ELF1: variants seen among roughly 807,000 people sequenced by gnomAD.
ELF1 encodes ETS-related transcription factor Elf-1.
ELF1 carries 24 observed loss-of-function variants against 59.9 expected under a neutral mutation model. The observed-to-expected ratio is 0.40, with a 90% CI of 0.29 to 0.56. The LOEUF is 0.56. ELF1 is among the 20% of genes least tolerant of loss of function. ELF1 has a pLI of 0.44. For missense variants in ELF1, 627 were observed against 742.2 expected, an observed-to-expected ratio of 0.84 and a Z score of 1.80; for synonymous variants, 248 against 266.2, an observed-to-expected ratio of 0.93 and a Z score of 0.67.
upstream of ELF1, among the ~76,000 whole-genome samples, chr13:41,023,644 T>C (rs906494189): frequency 6.6e-6 from 1 of 152,224 alleles, no homozygotes; most frequent in African/African-American, 2.4e-5. Flanking sequence ...ATCACTAGCT[T>C]TGTTAAACCA....
At chr13:41,055,093 C>T (rs945213712) in intron 1 of ELF1, among the ~76,000 whole-genome samples, 13 of 152,310 alleles carry the variant, frequency 8.5e-5, no homozygotes, top group African/African-American at 3.1e-4. Flanking sequence ...CAAGTCAAAG[C>T]CCCTGCTCCA....
intron 1 of ELF1, among the ~76,000 whole-genome samples, chr13:41,032,135 G>C (rs1876190495): frequency 6.6e-6 from 1 of 151,554 alleles, no homozygotes; most frequent in African/African-American, 2.4e-5. Flanking sequence ...AAAATTTAAA[G>C]CAATATCATA....
At chr13:41,060,938 CGCCGCCGCTGCT>C (rs1418786003) in exon 1 of ELF1, 3 of 344,162 alleles carry the variant, frequency 8.7e-6, no homozygotes, top group South Asian at 2.2e-5. Context: ...CCGCCGCCGC[CGCCGCCGCTGCT>C]GCTGCCCACA....
At chr13:41,022,300 A>G (rs1395484676), upstream of ELF1, among the ~76,000 whole-genome samples, 1 of 152,236 alleles carries the variant, frequency 6.6e-6, no homozygotes. Context: ...GCTGAACAAA[A>G]TAAGACTGAC....
At chr13:41,021,857 T>A (rs556675977), upstream of ELF1, among the ~76,000 whole-genome samples, 1 of 152,144 alleles carries the variant, frequency 6.6e-6, no homozygotes, top group African/African-American at 2.4e-5. Context: ...AATAGGGAAA[T>A]GCAAATTAAT....
rs955822372 is a variant in ELF1 at position 40,932,396 on chromosome 13, T to G, written c.*1029A>C. 1 of 147,728 alleles carries G rather than the reference T, an allele frequency of 6.8e-6. No individual in the cohort carries two copies. The highest frequency in any genetic ancestry group is 2.5e-5 in the African/African-American group (1 of 40,030). The allele number at this position is 147,728 out of a possible 1,614,324, so 9.2% of individuals were successfully genotyped here. A position where few individuals can be genotyped will look rare whatever the true frequency, so the allele number is the denominator to read the frequency against. ...CAATTATGCTTTTATAACTGACTAC[T>G]CAGCCAGATTAGCCCAAGGCTCAAG... On this transcript the variant is annotated 3_prime_UTR_variant, in exon 9 of 9. Transcript: ENST00000239882.
chr13:41,032,849 TAA>T lies in ELF1; in HGVS notation c.-229+27987_-229+27988del, dbSNP rs56310760. 4.3e-3 allele frequency among the ~76,000 whole-genome samples: 589 copies of T among 135,404 alleles called. 8 individuals are homozygous for T. In the East Asian group the frequency reaches 0.054, roughly 12 times the overall value. 88.8% of individuals were successfully genotyped at this position (135,404 alleles called of 152,430 possible). On this transcript the variant is annotated intron_variant, in intron 1 of 1. Transcript: ENST00000405737. ...GGGTGACAGAGCAAGACCTTGTTTC[TAA>T]AAAAAAAAAAAAAACAAACCAAAGA... is the stretch of plus-strand genomic sequence containing the variant.
At position 41,016,252 on chromosome 13, in the gene ELF1, C is replaced by T. The variant is rs9566660; in HGVS notation, c.-229+2976G>A. Among the ~76,000 whole-genome samples, 1,154 of 152,228 alleles carry T rather than the reference C, an allele frequency of 7.6e-3. 16 individuals are homozygous for T. Among genetic ancestry groups the T allele is most frequent in the East Asian group, 0.049 (252 of 5,180 alleles). On this transcript the variant is annotated intron_variant, in intron 1 of 8. Transcript: ENST00000239882. ...AGGACAATGATGGCCACACTGTGGA[C>T]GATTTCGCACCGAATTGAGTTAGGG... is the stretch of plus-strand genomic sequence containing the variant.
At chr13:40,977,278 C>G (rs754367007) in intron 2 of ELF1, among the ~76,000 whole-genome samples, 44 of 151,996 alleles carry the variant, frequency 2.9e-4, no homozygotes, top group Admixed American at 2.8e-3. Flanking sequence ...ACCAAAGCAC[C>G]ATTGCATAAA....
chr13:40,976,309 G>A (rs1193443382), intron 2 of ELF1, among the ~76,000 whole-genome samples: 1 of 152,172 alleles, frequency 6.6e-6, no homozygotes, highest in Non-Finnish European at 1.5e-5. Flanking sequence ...ACACTCTACT[G>A]CTCTAGAACA....
At chr13:41,032,510 G>T (rs9532710) in intron 1 of ELF1, among the ~76,000 whole-genome samples, 1 of 151,682 alleles carries the variant, frequency 6.6e-6, no homozygotes, top group Admixed American at 6.6e-5. Context: ...GAGCCCCTGC[G>T]CCCAGCGATA....
chr13:40,956,115 T>C (rs1469931916), intron 3 of ELF1, among the ~76,000 whole-genome samples: 3 of 148,002 alleles, frequency 2.0e-5, no homozygotes, highest in African/African-American at 4.9e-5. Context: ...ACAATGGCGG[T>C]TTTGTGGAAT....
intron 3 of ELF1, among the ~76,000 whole-genome samples, chr13:40,955,427 G>C (rs1273314373): frequency 7.2e-6 from 1 of 138,910 alleles, no homozygotes; most frequent in African/African-American, 2.6e-5. Context: ...AGGTGGGGGG[G>C]TCAGCCCCCC....
At chr13:40,946,218 G>A (rs1870501081) in intron 5 of ELF1, among the ~76,000 whole-genome samples, 1 of 152,060 alleles carries the variant, frequency 6.6e-6, no homozygotes, top group South Asian at 2.1e-4. Flanking sequence ...TAGGATATTA[G>A]CCTTTTATTT....
intron 2 of ELF1, among the ~76,000 whole-genome samples, chr13:40,965,455 C>T (rs761464775): frequency 2.0e-5 from 3 of 152,002 alleles, no homozygotes; most frequent in Non-Finnish European, 4.4e-5. Flanking sequence ...AACCTCATCT[C>T]TACTAAAAAA....
chr13:41,019,011 C>A (rs1035163217), intron 1 of ELF1, among the ~76,000 whole-genome samples: 1 of 152,252 alleles, frequency 6.6e-6, no homozygotes, highest in East Asian at 1.9e-4. Flanking sequence ...CAAAGACATA[C>A]AAAATGCTTT....
chr13:40,955,907 T>C, intron 3 of ELF1, among the ~76,000 whole-genome samples: 1 of 103,730 alleles, frequency 9.6e-6, no homozygotes, highest in South Asian at 3.5e-4. Flanking sequence ...GGCGGGGAGG[T>C]CAGCCCCCCG....
chr13:41,008,485 G>C (rs1874872187), intron 1 of ELF1, among the ~76,000 whole-genome samples: 1 of 152,120 alleles, frequency 6.6e-6, no homozygotes, highest in African/African-American at 2.4e-5. Flanking sequence ...AGGCTTTTCT[G>C]ATGAGACTGG....
intron 1 of ELF1, among the ~76,000 whole-genome samples, chr13:41,025,428 G>A (rs1237739697): frequency 6.6e-6 from 1 of 152,162 alleles, no homozygotes; most frequent in Non-Finnish European, 1.5e-5. Flanking sequence ...ACTTTATCCA[G>A]TCCAGTGGTT....
Sources: allele counts gnomAD v4.1 joint callset (sites outside exome capture counted in the v4.1 genomes callset), GRCh38; gene constraint gnomAD v4.1.1; transcripts MANE v1.5; gene names NCBI Gene and HGNC (gene_info 2026-07-23, HGNC 2026-07-21).